FOCAD: variants seen among roughly 807,000 people sequenced by gnomAD.
FOCAD encodes focadhesin.
FOCAD carries 198 observed loss-of-function variants against 225.6 expected under a neutral mutation model. That is an observed-to-expected ratio of 0.88 (90% confidence interval 0.78 to 0.99). The LOEUF is 0.99. FOCAD is among the 50% of genes least tolerant of loss of function. The pLI is 0.00. For missense variants in FOCAD, 2,713 were observed against 2,123.6 expected (o/e 1.28, Z -5.46); for synonymous variants, 897 against 755.0 (o/e 1.19, Z -3.08).
Position 20,761,710 on chromosome 9 carries a change from G to A in FOCAD, c.495-3159G>A, listed in dbSNP as rs138882487. Among the ~76,000 whole-genome samples, 724 of 152,182 alleles carry A rather than the reference G, an allele frequency of 4.8e-3. 7 individuals carry two copies. Among genetic ancestry groups the A allele is most frequent in the Non-Finnish European group, 6.6e-3 (448 of 68,000 alleles). ...GCTGGGATTACAGGTGTGAGCCACC[G>A]TGCCTGGCCCAAGCCTCCATTTTTT... On this transcript the variant is annotated intron_variant, in intron 6 of 43. Coordinates refer to ENST00000338382, the MANE Select transcript of FOCAD (RefSeq NM_001375567.1).
At chr9:20,978,306 T>C in intron 36 of FOCAD, 33 bp from the exon 37 acceptor site, 1 of 1,400,992 alleles carries the variant, frequency 7.1e-7, no homozygotes, top group Non-Finnish European at 9.9e-7. Flanking sequence ...AAAGTAACTA[T>C]ATATTCAATT....
At chr9:20,939,161 A>AAAAAAAAAAAAAAAAAAG (rs1564179288) in intron 28 of FOCAD, among the ~76,000 whole-genome samples, 4 of 150,370 alleles carry the variant, frequency 2.7e-5, no homozygotes, top group African/African-American at 9.7e-5. Flanking sequence ...AAAAAAAAAA[A>AAAAAAAAAAAAAAAAAAG]AAAAAAGAGT....
chr9:20,813,674 G>T (rs183745905), intron 11 of FOCAD, among the ~76,000 whole-genome samples: 1 of 152,214 alleles, frequency 6.6e-6, no homozygotes, highest in East Asian at 1.9e-4. Context: ...GAGAATGTTC[G>T]GTGTGCACCT....
At chr9:20,714,643 C>G (rs1245777552) in intron 1 of FOCAD, among the ~76,000 whole-genome samples, 1 of 121,706 alleles carries the variant, frequency 8.2e-6, no homozygotes, top group Non-Finnish European at 1.8e-5. Flanking sequence ...TGCCTTCCTT[C>G]CTTCCTTCCT....
At chr9:20,839,689 A>G (rs1272836121) in intron 15 of FOCAD, among the ~76,000 whole-genome samples, 1 of 151,984 alleles carries the variant, frequency 6.6e-6, no homozygotes, top group African/African-American at 2.4e-5. Context: ...ATAAGTGTAT[A>G]TAGTTAAGGG....
rs372566378 is a variant in FOCAD at position 20,739,920 on chromosome 9, C to T, written c.288-316C>T. ...TTTATAAATGAAATATTTGGTCATT[C>T]GGTGTGGGCAACCAATGTGGTCACT... On this transcript the variant is annotated intron_variant, in intron 4 of 43. Transcript: ENST00000338382. Among the ~76,000 whole-genome samples, 25 of 152,092 alleles carry T rather than the reference C, an allele frequency of 1.6e-4. 1 individual carries two copies. In the South Asian group the frequency reaches 3.7e-3, roughly 23 times the overall value.
chr9:20,771,578 G>A (rs758369065), intron 8 of FOCAD, among the ~76,000 whole-genome samples: 7 of 152,180 alleles, frequency 4.6e-5, no homozygotes, highest in African/African-American at 1.4e-4. Flanking sequence ...GACCAACATG[G>A]TGAAACTTCG....
chr9:20,831,067 G>GT lies in FOCAD; in HGVS notation c.1920+7960dup, dbSNP rs1305563977. Among the ~76,000 whole-genome samples, 12 of 151,730 alleles carry GT rather than the reference G, an allele frequency of 7.9e-5. No individual in the cohort carries two copies. The South Asian group carries it at 1.0e-3, about 13-fold the overall frequency. On this transcript the variant is annotated intron_variant, in intron 15 of 43. Coordinates refer to ENST00000338382, the MANE Select transcript of FOCAD (RefSeq NM_001375567.1). Reference sequence around the variant, plus strand: ...CGTAGTTTTAAAGCAATTATTCTGTGTTTTTTTTATGGACAGCCTTTTCTT... The same window carrying GT: ...CGTAGTTTTAAAGCAATTATTCTGTGTTTTTTTTTATGGACAGCCTTTTCTT...
intron 1 of FOCAD, among the ~76,000 whole-genome samples, chr9:20,695,094 T>C (rs1823251842): frequency 6.6e-6 from 1 of 152,236 alleles, no homozygotes; most frequent in South Asian, 2.1e-4. Context: ...TCTATTGCTC[T>C]GCAAGTGGTA....
intron 11 of FOCAD, among the ~76,000 whole-genome samples, chr9:20,793,754 G>C (rs934224168): frequency 5.9e-5 from 9 of 152,154 alleles, no homozygotes; most frequent in African/African-American, 2.2e-4. Context: ...TAAGTGATGG[G>C]CTTCTAGTGT....
chr9:20,842,602 A>G (rs887131673), intron 15 of FOCAD, among the ~76,000 whole-genome samples: 5 of 151,674 alleles, frequency 3.3e-5, no homozygotes, highest in Non-Finnish European at 5.9e-5. Flanking sequence ...ATTTCAGTCT[A>G]TGTCTGACTC....
At position 20,740,438 on chromosome 9, in the gene FOCAD, C is replaced by T. The variant is rs578235004; in HGVS notation, c.392+98C>T. 3.7e-5 allele frequency: 25 copies of T among 679,310 alleles called. No homozygotes were observed. The South Asian group carries it at 5.3e-4, about 14-fold the overall frequency. 42.1% of individuals were successfully genotyped at this position (679,310 alleles called of 1,614,324 possible). On this transcript the variant is annotated intron_variant, in intron 5 of 43. Coordinates refer to ENST00000338382, the MANE Select transcript of FOCAD (RefSeq NM_001375567.1). ...TCCAGTAAGAATTAGTTATTTAATT[C>T]AGCAGGATATGCACACAGTGATTGT...
intron 2 of FOCAD, among the ~76,000 whole-genome samples, chr9:20,672,397 A>G (rs545523719): frequency 1.7e-4 from 26 of 152,242 alleles, no homozygotes; most frequent in Non-Finnish European, 3.7e-4. Context: ...TCTGCAACAC[A>G]TATTTAAGTT....
chr9:20,700,347 C>G (rs1019497627), intron 1 of FOCAD, among the ~76,000 whole-genome samples: 6 of 151,680 alleles, frequency 4.0e-5, no homozygotes, highest in African/African-American at 1.5e-4. Flanking sequence ...TTAGATTCAG[C>G]TGGAAACAGT....
At chr9:20,661,612 T>G (rs989845697) in intron 2 of FOCAD, among the ~76,000 whole-genome samples, 1 of 152,234 alleles carries the variant, frequency 6.6e-6, no homozygotes, top group African/African-American at 2.4e-5. Context: ...CTCTTCCTAC[T>G]GTTTTACATT....
At chr9:20,879,797 A>T (rs1446779032) in intron 19 of FOCAD, among the ~76,000 whole-genome samples, 8 of 152,202 alleles carry the variant, frequency 5.3e-5, no homozygotes. Context: ...CCTCATTTAA[A>T]TTAATCCCTG....
At position 20,939,150 on chromosome 9, in the gene FOCAD, C is replaced by CAAA. The variant is rs565280892; in HGVS notation, c.3408-5462_3408-5460dup. Reference sequence around the variant, plus strand: ...GGGCGACAGAGCGAGACTCTCTTCTCAAAAAAAAAAAAAAAAAGAGTGTGG... The same window carrying CAAA: ...GGGCGACAGAGCGAGACTCTCTTCTCAAAAAAAAAAAAAAAAAAAAGAGTGTGG... On this transcript the variant is annotated intron_variant, in intron 28 of 43. Transcript: ENST00000338382. 1.7e-4 allele frequency among the ~76,000 whole-genome samples: 12 copies of CAAA among 72,488 alleles called. 1 individual carries two copies. The highest frequency in any genetic ancestry group is 2.9e-4 in the Non-Finnish European group (11 of 37,512). The allele number at this position is 72,488 out of a possible 152,430, so 47.6% of individuals were successfully genotyped here.
intron 21 of FOCAD, among the ~76,000 whole-genome samples, chr9:20,898,075 A>G (rs1360838626): frequency 6.6e-6 from 1 of 151,650 alleles, no homozygotes; most frequent in East Asian, 1.9e-4. Flanking sequence ...TCTTGCTTGC[A>G]TGTTTTCTGG....
At chr9:20,672,789 G>C (rs571403179) in intron 2 of FOCAD, among the ~76,000 whole-genome samples, 1 of 152,070 alleles carries the variant, frequency 6.6e-6, no homozygotes, top group Non-Finnish European at 1.5e-5. Flanking sequence ...AAGAACCACA[G>C]GAAAAACTTA....
Sources: gnomAD v4.1 joint callset for allele counts (sites outside exome capture counted in the v4.1 genomes callset) on GRCh38, gnomAD v4.1.1 for gene constraint, MANE v1.5 for transcripts, NCBI Gene and HGNC (gene_info 2026-07-23, HGNC 2026-07-21) for gene names.